The following SAMD15 variants were observed in gnomAD, a reference collection of about 807,000 sequenced individuals.
SAMD15 encodes the protein sterile alpha motif domain-containing protein 15.
SAMD15 carries 37 observed loss-of-function variants against 50.5 expected under a neutral mutation model. The ratio of observed to expected loss-of-function variants is 0.73; its 90% CI spans 0.56 to 0.96. The LOEUF (loss-of-function observed/expected upper bound fraction) is 0.96, where lower values mean the gene tolerates loss of function less well. Among genes scored for constraint, SAMD15 ranks in the 40% least tolerant of loss-of-function variants. The pLI, the probability that SAMD15 is intolerant of heterozygous loss-of-function variation, is 0.00. For missense variants in SAMD15, 789 were observed against 783.8 expected (o/e 1.01, Z -0.08); for synonymous variants, 255 against 282.8 (o/e 0.90, Z 0.99).
chr14:77,385,586 T>G (rs546886083), intron 2 of SAMD15, among the ~76,000 whole-genome samples: 1 of 152,240 alleles, frequency 6.6e-6, no homozygotes, highest in Admixed American at 6.5e-5. Flanking sequence ...TGTTTATAAC[T>G]ACTTTTTCTG....
chr14:77,378,877 A>C lies in SAMD15; in HGVS notation c.1459A>C (p.Asn487His). Residue 487 changes from asparagine (N) to histidine (H), a missense_variant, in exon 1 of 3, where the codon AAT (asparagine) becomes CAT (histidine). Asn to His is a moderately conservative substitution (Grantham distance 68, BLOSUM62 1). Coordinates refer to ENST00000216471, the MANE Select transcript of SAMD15 (RefSeq NM_001010860.4). ...TTTGCAACCACTCCAAAAATTGCTT[A>C]ATGTCAGTGAAGAATGCTCATACTC... ...EFLQPLQKLL[N>H]VSEECSYSDP... The C allele has an allele frequency of 6.2e-7, 1 of 1,614,046 alleles. No individual in the cohort carries two copies.
intron 1 of SAMD15, among the ~76,000 whole-genome samples, chr14:77,380,130 T>C (rs1893924360): frequency 6.6e-6 from 1 of 152,180 alleles, no homozygotes; most frequent in African/African-American, 2.4e-5. Flanking sequence ...AAAGTAAATT[T>C]AAGCTACTCA....
chr14:77,379,163 T>G, intron 1 of SAMD15, 56 bp downstream of exon 1: 1 of 1,517,042 alleles, frequency 6.6e-7, no homozygotes, highest in South Asian at 1.2e-5. Context: ...TACTTCTTAT[T>G]CCTTCTAACT....
At chr14:77,389,514 T>A (rs1894047110) in intron 2 of SAMD15, among the ~76,000 whole-genome samples, 1 of 149,392 alleles carries the variant, frequency 6.7e-6, no homozygotes, top group Admixed American at 6.7e-5. Context: ...TTTTTTTTTT[T>A]TTTTGAGACA....
Position 77,391,009 on chromosome 14 carries a change from C to T in SAMD15, c.1790C>T (p.Ala597Val). ...TAAAAATTTATCCTTGCGTTTCAGG[C>T]AATTTCTCGGCATACGCAGGAGCTC... Reference protein sequence around the residue: ...MGITNFEDMKAISRHTQELLE... With the variant: ...MGITNFEDMKVISRHTQELLE... The change falls in exon 3 of 3, where the codon GCA (alanine) becomes GTA (valine). Residue 597 changes from alanine (A) to valine (V), a missense_variant and splice_region_variant. Around this residue, in one of 2 missense-constraint regions of SAMD15, gnomAD observed 770 missense variants for 745.4 expected, o/e 1.03. Transcript: ENST00000216471. 4.4e-6 allele frequency: 7 copies of T among 1,595,504 alleles called. No individual in the cohort carries two copies. Among genetic ancestry groups the T allele is most frequent in the Non-Finnish European group, 6.0e-6 (7 of 1,168,838 alleles).
At chr14:77,388,712 G>T (rs1223105840) in intron 2 of SAMD15, among the ~76,000 whole-genome samples, 1 of 151,812 alleles carries the variant, frequency 6.6e-6, no homozygotes, top group Non-Finnish European at 1.5e-5. Context: ...AGGTTCAAGC[G>T]ACTCTCCTGC....
intron 2 of SAMD15, among the ~76,000 whole-genome samples, chr14:77,387,171 G>A (rs924071895): frequency 5.9e-5 from 9 of 152,264 alleles, no homozygotes; most frequent in East Asian, 1.9e-4. Flanking sequence ...AGTAGCTCAC[G>A]CCTATAATCC....
At chr14:77,388,272 T>G (rs1014656688) in intron 2 of SAMD15, among the ~76,000 whole-genome samples, 3 of 152,154 alleles carry the variant, frequency 2.0e-5, no homozygotes, top group African/African-American at 7.2e-5. Context: ...ATCAGGGTAC[T>G]TGCTTTGGCA....
In SAMD15 at chr14:77,378,907, C is replaced by T. The variant is rs746437401; in HGVS notation, c.1489C>T (p.Pro497Ser). Residue 497 changes from proline to serine, a missense_variant, in exon 1 of 3, where the codon CCC (proline) becomes TCC (serine). Transcript: ENST00000216471. ...NVSEECSYSD[P>S]SESQTELSEF... is the part of the protein sequence containing the mutation. ...CAGTGAAGAATGCTCATACTCAGAT[C>T]CCTCAGAGTCTCAGACAGAATTAAG... The T allele has an allele frequency of 6.2e-7, 1 of 1,613,472 alleles. No individual in the cohort carries two copies. Among genetic ancestry groups the T allele is most frequent in the South Asian group, 1.1e-5 (1 of 91,036 alleles).
intron 2 of SAMD15, among the ~76,000 whole-genome samples, chr14:77,382,506 G>C (rs1009315479): frequency 2.0e-5 from 3 of 151,906 alleles, no homozygotes; most frequent in African/African-American, 7.3e-5. Flanking sequence ...TGATCTGCCG[G>C]CCTTGGCCTC....
At chr14:77,382,433 A>G (rs1258711322) in intron 2 of SAMD15, among the ~76,000 whole-genome samples, 1 of 151,972 alleles carries the variant, frequency 6.6e-6, no homozygotes, top group Non-Finnish European at 1.5e-5. Context: ...TAATTTTTGT[A>G]TTTTTAATAG....
intron 2 of SAMD15, among the ~76,000 whole-genome samples, chr14:77,385,736 AG>A (rs1303919897): frequency 6.6e-6 from 1 of 152,108 alleles, no homozygotes; most frequent in Non-Finnish European, 1.5e-5. Flanking sequence ...GTTTTCTTAA[AG>A]TTACAGGTCA....
chr14:77,378,775 G>A lies in SAMD15; in HGVS notation c.1357G>A (p.Asp453Asn). Residue 453 changes from aspartate (D) to asparagine (N), a missense_variant, in exon 1 of 3, where the codon GAC (aspartate) becomes AAC (asparagine). Transcript: ENST00000216471. ...TAAAAGAGGAAAGTTGTCACTAAGT[G>A]ACAAATTTAGAAAAGAATATTACGC... ...EPKRGKLSLSDKFRKEYYALG... is the reference protein window; with the variant it reads ...EPKRGKLSLSNKFRKEYYALG... 6.2e-7 allele frequency: 1 copy of A among 1,612,260 alleles called. No homozygotes were observed. Among genetic ancestry groups the A allele is most frequent in the African/African-American group, 1.3e-5 (1 of 74,876 alleles).
At chr14:77,388,742 G>T (rs1206556040) in intron 2 of SAMD15, among the ~76,000 whole-genome samples, 1 of 152,030 alleles carries the variant, frequency 6.6e-6, no homozygotes, top group East Asian at 1.9e-4. Context: ...CCGAGTAGCT[G>T]GGACTACAGG....
chr14:77,390,632 G>C (rs1400608755), intron 2 of SAMD15, among the ~76,000 whole-genome samples: 1 of 152,206 alleles, frequency 6.6e-6, no homozygotes, highest in Non-Finnish European at 1.5e-5. Flanking sequence ...GCTCACGCCT[G>C]CAATCCCAGC....
intron 1 of SAMD15, among the ~76,000 whole-genome samples, chr14:77,379,574 G>C (rs1180788725): frequency 6.6e-6 from 1 of 152,086 alleles, no homozygotes; most frequent in South Asian, 2.1e-4. Context: ...TGTATTTTTA[G>C]TAGAGACGGG....
chr14:77,389,126 CAAA>C (rs201221553), intron 2 of SAMD15, among the ~76,000 whole-genome samples: 1 of 150,218 alleles, frequency 6.7e-6, no homozygotes, highest in Non-Finnish European at 1.5e-5. Context: ...AACAAACAAA[CAAA>C]AAAAAACAGA....
chr14:77,387,260 C>A (rs1473181935), intron 2 of SAMD15, among the ~76,000 whole-genome samples: 4 of 151,976 alleles, frequency 2.6e-5, no homozygotes, highest in Non-Finnish European at 5.9e-5. Flanking sequence ...TAGTGAAACC[C>A]CAGCTCTATA....
At chr14:77,386,053 G>A (rs577441177) in intron 2 of SAMD15, among the ~76,000 whole-genome samples, 13 of 151,896 alleles carry the variant, frequency 8.6e-5, no homozygotes, top group African/African-American at 2.9e-4. Context: ...ATGGGGTTTC[G>A]CCATATTGCC....
Sources: gnomAD v4.1 joint callset for allele counts (sites outside exome capture counted in the v4.1 genomes callset) on GRCh38, gnomAD v4.1.1 for gene constraint, gnomAD v4.1.1 regional missense constraint, MANE v1.5 for transcripts, NCBI Gene and HGNC (gene_info 2026-07-23, HGNC 2026-07-21) for gene names.